PARD3B: variants seen among roughly 807,000 people sequenced by gnomAD.
The protein encoded by PARD3B is par-3 family cell polarity regulator beta, also known as partitioning defective 3 homolog B.
Under a neutral mutation model 130.2 loss-of-function variants are expected in PARD3B, and 103 were observed. The observed-to-expected ratio is 0.79, with a 90% CI of 0.67 to 0.93. The LOEUF (loss-of-function observed/expected upper bound fraction) is 0.93, where lower values mean the gene tolerates loss of function less well. Among genes scored for constraint, PARD3B ranks in the 40% least tolerant of loss-of-function variants. The pLI is 0.00. For synonymous variants in PARD3B, 583 were observed against 553.2 expected, an observed-to-expected ratio of 1.05 and a Z score of -0.76; for missense variants, 1,609 against 1,499.2, an observed-to-expected ratio of 1.07 and a Z score of -1.21.
Position 205,616,191 on chromosome 2 carries a change from C to T in PARD3B, c.*378C>T, listed in dbSNP as rs1319348860. The T allele has an allele frequency of 2.6e-5, 5 of 188,972 alleles. No individual in the cohort carries two copies. Among genetic ancestry groups the T allele is most frequent in the Non-Finnish European group, 4.3e-5 (4 of 93,032 alleles). 11.7% of individuals were successfully genotyped at this position (188,972 alleles called of 1,614,324 possible). A position where few individuals can be genotyped will look rare whatever the true frequency, so the allele number is the denominator to read the frequency against. On this transcript the variant is annotated 3_prime_UTR_variant, in exon 23 of 23. Transcript: ENST00000406610. ...GATGTGCAGACACGTGGACATCCCC[C>T]TCTGAGACTGGCGGTCCAGAGGCAG...
intron 16 of PARD3B, among the ~76,000 whole-genome samples, chr2:205,289,859 A>T (rs1285010338): frequency 6.6e-6 from 1 of 151,486 alleles, no homozygotes; most frequent in Non-Finnish European, 1.5e-5. Flanking sequence ...CTGCCTTGGG[A>T]CTCTGCAGAG....
At chr2:204,992,588 A>C (rs1036934784) in intron 3 of PARD3B, among the ~76,000 whole-genome samples, 6 of 123,116 alleles carry the variant, frequency 4.9e-5, no homozygotes, top group Non-Finnish European at 1.0e-4. Context: ...TATGAACTTT[A>C]AAGTAGTTTT....
At chr2:205,174,737 A>C (rs2035368351) in intron 12 of PARD3B, among the ~76,000 whole-genome samples, 1 of 152,246 alleles carries the variant, frequency 6.6e-6, no homozygotes, top group Non-Finnish European at 1.5e-5. Flanking sequence ...ATATCTCAAA[A>C]ATTGAAGAAG....
At chr2:205,476,819 A>G (rs1197429503) in intron 20 of PARD3B, among the ~76,000 whole-genome samples, 1 of 152,164 alleles carries the variant, frequency 6.6e-6, no homozygotes, top group African/African-American at 2.4e-5. Flanking sequence ...TGAAGAATTT[A>G]TCCCCTAATC....
At chr2:204,704,631 A>G (rs2038050742) in intron 2 of PARD3B, among the ~76,000 whole-genome samples, 1 of 152,182 alleles carries the variant, frequency 6.6e-6, no homozygotes, top group African/African-American at 2.4e-5. Flanking sequence ...ATTGAGATGC[A>G]CTTGCCTGTT....
rs571537678 is a variant in PARD3B, at chr2:204,961,722, G to A, written c.223-3430G>A. ...CTTGATGGGGGCCCAGAGAAATAAG[G>A]GTATACCAAGAGACTGGTGCCCTGG... is the stretch of plus-strand genomic sequence containing the variant. On this transcript the variant is annotated intron_variant, in intron 2 of 22. Transcript: ENST00000406610. 3.3e-5 allele frequency among the ~76,000 whole-genome samples: 5 copies of A among 152,216 alleles called. No homozygotes were observed. The South Asian group carries it at 1.0e-3, about 32-fold the overall frequency.
chr2:205,178,269 T>TA (rs58828156), intron 13 of PARD3B, among the ~76,000 whole-genome samples: 54 of 126,984 alleles, frequency 4.3e-4, no homozygotes, highest in East Asian at 1.4e-3. Flanking sequence ...AGTATACAGA[T>TA]AAAAAAAAAA....
chr2:205,279,138 T>C (rs1375008266), intron 16 of PARD3B, among the ~76,000 whole-genome samples: 1 of 148,490 alleles, frequency 6.7e-6, no homozygotes. Context: ...TATACTAAAT[T>C]TTCCCCCCAA....
At chr2:204,759,501 G>A (rs982748014) in intron 2 of PARD3B, among the ~76,000 whole-genome samples, 1 of 151,912 alleles carries the variant, frequency 6.6e-6, no homozygotes, top group Non-Finnish European at 1.5e-5. Context: ...AAAATTATTT[G>A]ATATATCTTG....
At chr2:205,113,418 GTGTGTATT>G in intron 5 of PARD3B, 65 bp from the exon 6 acceptor site, 1 of 874,698 alleles carries the variant, frequency 1.1e-6, no homozygotes, top group Non-Finnish European at 1.9e-6. Context: ...GTGTGTGTGT[GTGTGTATT>G]TTAGATGTGC....
At chr2:204,740,498 T>C (rs1366979605) in intron 2 of PARD3B, among the ~76,000 whole-genome samples, 3 of 152,250 alleles carry the variant, frequency 2.0e-5, no homozygotes, top group Non-Finnish European at 4.4e-5. Flanking sequence ...TTCTGCAGTT[T>C]AGGAATTTAG....
At chr2:205,547,349 G>A (rs897969001) in intron 21 of PARD3B, among the ~76,000 whole-genome samples, 1 of 152,068 alleles carries the variant, frequency 6.6e-6, no homozygotes. Flanking sequence ...TCTCATTGCC[G>A]ATTCCAAACA....
At chr2:205,191,645 T>A (rs1054904354) in intron 14 of PARD3B, among the ~76,000 whole-genome samples, 2 of 152,244 alleles carry the variant, frequency 1.3e-5, no homozygotes, top group African/African-American at 2.4e-5. Context: ...CAGACCCTAA[T>A]GTCCTTACTT....
intron 16 of PARD3B, among the ~76,000 whole-genome samples, chr2:205,246,523 G>C (rs182632162): frequency 6.6e-6 from 1 of 152,318 alleles, no homozygotes; most frequent in Non-Finnish European, 1.5e-5. Flanking sequence ...AAATAGTGGA[G>C]TAATCCCTTT....
At chr2:205,312,570 A>G (rs1306887255) in intron 18 of PARD3B, among the ~76,000 whole-genome samples, 1 of 152,236 alleles carries the variant, frequency 6.6e-6, no homozygotes, top group Non-Finnish European at 1.5e-5. Context: ...ATGGTTATCT[A>G]CAATTACAGA....
At chr2:205,082,399 C>G (rs139235755) in intron 4 of PARD3B, among the ~76,000 whole-genome samples, 676 of 152,220 alleles carry the variant, frequency 4.4e-3, no homozygotes, top group African/African-American at 0.014. Context: ...ACAATTATAG[C>G]AATGTGCTGT....
At chr2:205,518,988 C>A (rs926356287) in intron 21 of PARD3B, among the ~76,000 whole-genome samples, 1 of 152,022 alleles carries the variant, frequency 6.6e-6, no homozygotes, top group Non-Finnish European at 1.5e-5. Flanking sequence ...TTGTGGGTGA[C>A]CTGTCCTTTC....
chr2:204,848,188 A>T (rs1371409524), intron 2 of PARD3B, among the ~76,000 whole-genome samples: 1 of 152,304 alleles, frequency 6.6e-6, no homozygotes, highest in Admixed American at 6.5e-5. Context: ...GTGAGTATGT[A>T]TAGGAATAAA....
intron 2 of PARD3B, among the ~76,000 whole-genome samples, chr2:204,809,069 T>G (rs1312316532): frequency 6.6e-6 from 1 of 152,102 alleles, no homozygotes; most frequent in Non-Finnish European, 1.5e-5. Flanking sequence ...TGGCCTCATG[T>G]GTGTTTTCTT....
Sources: gnomAD v4.1 joint callset for allele counts (sites outside exome capture counted in the v4.1 genomes callset) on GRCh38, gnomAD v4.1.1 for gene constraint, MANE v1.5 for transcripts, NCBI Gene and HGNC (gene_info 2026-07-23, HGNC 2026-07-21) for gene names.